The following TRIOBP variants were observed in gnomAD, a reference collection of about 807,000 sequenced individuals.
TRIOBP encodes TRIO and F-actin-binding protein.
TRIOBP carries 169 observed loss-of-function variants against 238.8 expected under a neutral mutation model. That is an observed-to-expected ratio of 0.71 (90% CI 0.62 to 0.80). TRIOBP has a LOEUF of 0.80. Among genes scored for constraint, TRIOBP ranks in the 30% least tolerant of loss-of-function variants. The pLI is 0.00. For missense variants in TRIOBP, 2,838 were observed against 3,122.6 expected, an observed-to-expected ratio of 0.91 and a Z score of 2.17; for synonymous variants, 1,150 against 1,274.4, an observed-to-expected ratio of 0.90 and a Z score of 2.08.
chr22:37,726,167 ACT>A lies in TRIOBP; in HGVS notation c.3616_3617del (p.Leu1206AlafsTer30), dbSNP rs772930429. The A allele has an allele frequency of 1.1e-5, 18 of 1,567,870 alleles. No homozygotes were observed. The highest frequency in any genetic ancestry group is 1.8e-5 in the Admixed American group (1 of 54,822). ...ATGGAGAGCCTGGCCCCCTCCACTG[ACT>A]CTCTGCATGGCTCCCCAGTGCTGAT... On this transcript the variant is annotated frameshift_variant, in exon 7 of 24. Coordinates refer to ENST00000644935, the MANE Select transcript of TRIOBP (RefSeq NM_001039141.3). LOFTEE classifies it high-confidence loss of function.
chr22:37,739,762 C>T (rs1207183439), intron 10 of TRIOBP, among the ~76,000 whole-genome samples: 1 of 152,200 alleles, frequency 6.6e-6, no homozygotes, highest in Non-Finnish European at 1.5e-5. Flanking sequence ...CCAGCCCTCC[C>T]AGGGACTCTG....
chr22:37,763,159 C>T (rs1005570585), intron 17 of TRIOBP, among the ~76,000 whole-genome samples: 1 of 152,218 alleles, frequency 6.6e-6, no homozygotes, highest in Non-Finnish European at 1.5e-5. Context: ...TGCCCACCCC[C>T]ACATTGCTGG....
In TRIOBP at chr22:37,734,808, C is replaced by T. The variant is rs1924587310; in HGVS notation, c.4472C>T (p.Pro1491Leu). Reference sequence around the variant, plus strand: ...GAGTACAAGGAGAGCTGGGGGCAGCCAGAGGCCTGGGAGGAGAAGCCCACT... The same window carrying T: ...GAGTACAAGGAGAGCTGGGGGCAGCTAGAGGCCTGGGAGGAGAAGCCCACT... ...SREYKESWGQ[P>L]EAWEEKPTHE... is the part of the protein sequence containing the mutation. Residue 1491 changes from proline (P) to leucine (L), a missense_variant, in exon 9 of 24, where the codon CCA becomes CTA. Coordinates refer to ENST00000644935, the MANE Select transcript of TRIOBP (RefSeq NM_001039141.3). 1 of 1,612,300 alleles carries T rather than the reference C, an allele frequency of 6.2e-7. No individual in the cohort carries two copies. The highest frequency in any genetic ancestry group is 1.7e-5 in the Admixed American group (1 of 59,988).
chr22:37,712,950 C>G (rs1476496691), intron 4 of TRIOBP, among the ~76,000 whole-genome samples: 2 of 143,138 alleles, frequency 1.4e-5, no homozygotes, highest in East Asian at 4.1e-4. Context: ...GAGCGAGACT[C>G]TGTCTCAAAA....
At position 37,723,904 on chromosome 22, in the gene TRIOBP, A is replaced by G; in HGVS notation, c.1348A>G (p.Asn450Asp). 1 of 1,572,826 alleles carries G rather than the reference A, an allele frequency of 6.4e-7. No homozygotes were observed. The highest frequency in any genetic ancestry group is 8.7e-7 in the Non-Finnish European group (1 of 1,154,966). Residue 450 changes from asparagine (N) to aspartate (D), a missense_variant, in exon 7 of 24, where the codon AAC (asparagine) becomes GAC (aspartate). Asn to Asp is a conservative substitution (Grantham distance 23, BLOSUM62 1). This residue lies in a region of TRIOBP where 26 missense variants were observed against 49.3 expected (regional missense o/e 0.53). Coordinates refer to ENST00000644935, the MANE Select transcript of TRIOBP (RefSeq NM_001039141.3). ...CTCTCCCAGTAGAGCTACACGAGAC[A>G]ACCCCACAACATCCTGTGCCCAGCG... ...ASSPSRATRDNPTTSCAQRDN... is the reference protein window; with the variant it reads ...ASSPSRATRDDPTTSCAQRDN...
rs1010972932 is a variant in TRIOBP at position 37,775,095 on chromosome 22, G to C, written c.*1315G>C. ...GCTGTGCTGATTATGGTTGCATGGG[G>C]CTGGGAAGAGGTCCCATTTCTGAGC... is the stretch of plus-strand genomic sequence containing the variant. On this transcript the variant is annotated 3_prime_UTR_variant, in exon 24 of 24. Transcript: ENST00000644935. The C allele has an allele frequency of 1.3e-5, 2 of 152,288 alleles. No individual in the cohort carries two copies. Among genetic ancestry groups the C allele is most frequent in the Admixed American group, 1.3e-4 (2 of 15,282 alleles). The allele number at this position is 152,288 out of a possible 1,614,324, so 9.4% of individuals were successfully genotyped here.
chr22:37,757,224 G>C (rs1318678593), intron 15 of TRIOBP, among the ~76,000 whole-genome samples: 1 of 152,160 alleles, frequency 6.6e-6, no homozygotes, highest in Non-Finnish European at 1.5e-5. Context: ...TTAGCTGGGC[G>C]TGGTGGTGCA....
rs376743335 is a variant in TRIOBP, at chr22:37,740,915, G to C, written c.5205G>C (p.Glu1735Asp). The C allele has an allele frequency of 6.4e-7, 1 of 1,574,148 alleles. No individual in the cohort carries two copies. The highest frequency in any genetic ancestry group is 8.6e-7 in the Non-Finnish European group (1 of 1,159,830). Residue 1735 changes from glutamate to aspartate, a missense_variant, in exon 11 of 24, where the codon GAG becomes GAC. Around this residue, in one of 5 missense-constraint regions of TRIOBP, gnomAD observed 2,096 missense variants for 2,137.4 expected, o/e 0.98. Transcript: ENST00000644935. Reference sequence around the variant, plus strand: ...GACAGGCAGACAAGAGGCCAGCAGAGGGCAAGGCTGGGAGCCCGCTCAAGG... The same window carrying C: ...GACAGGCAGACAAGAGGCCAGCAGACGGCAAGGCTGGGAGCCCGCTCAAGG... ...QADSADKRPA[E>D]GKAGSPLKGR...
At chr22:37,750,625 G>T (rs764410250) in intron 11 of TRIOBP, 6 of 470,992 alleles carry the variant, frequency 1.3e-5, no homozygotes, top group African/African-American at 1.2e-4. Context: ...CAGAGCCTGT[G>T]TCTCTCCCTT....
chr22:37,769,281 CAG>C lies in TRIOBP; in HGVS notation c.6758_6759del (p.Glu2253GlyfsTer83). The C allele has an allele frequency of 6.2e-7, 1 of 1,611,830 alleles. No individual in the cohort carries two copies. The highest frequency in any genetic ancestry group is 8.5e-7 in the Non-Finnish European group (1 of 1,179,404). On this transcript the variant is annotated frameshift_variant, in exon 21 of 24. Coordinates refer to ENST00000644935, the MANE Select transcript of TRIOBP (RefSeq NM_001039141.3). LOFTEE classifies it high-confidence loss of function. The stretch of plus-strand genomic sequence containing the variant: ...TCCCAGGAGCTGCATGGCCGCCTGT[CAG>C]AGGAGATAGACCAGCTGCGCGGCTT...
intron 12 of TRIOBP, among the ~76,000 whole-genome samples, 195 bp downstream of exon 12, chr22:37,752,023 C>A (rs937672062): frequency 6.6e-6 from 1 of 152,114 alleles, no homozygotes; most frequent in African/African-American, 2.4e-5. Flanking sequence ...AGCAAGGGGC[C>A]GTCTAGCCCC....
rs765816134 is a variant in TRIOBP at position 37,726,454 on chromosome 22, C to T, written c.3898C>T (p.His1300Tyr). ...QAQCSSGGRT[H>Y]SPGRAEVERL... ...GCAGTGCAGCAGCGGGGGCCGCACC[C>T]ACAGCCCTGGCCGTGCAGAGGTGGA... is the stretch of plus-strand genomic sequence containing the variant. The change falls in exon 7 of 24, where the codon CAC becomes TAC. Residue 1300 changes from histidine (H) to tyrosine (Y), a missense_variant. Transcript: ENST00000644935. 5.7e-6 allele frequency: 9 copies of T among 1,569,732 alleles called. No individual in the cohort carries two copies. Among genetic ancestry groups the T allele is most frequent in the Non-Finnish European group, 6.9e-6 (8 of 1,162,006 alleles).
In TRIOBP at chr22:37,712,957, A is replaced by AAAAT. The variant is rs368169188; in HGVS notation, c.255-214_255-211dup. ...GGGTGACAGAGCGAGACTCTGTCTC[A>AAAAT]AAATAAATAAATAAATAAATAAATA... On this transcript the variant is annotated intron_variant, in intron 4 of 23. Coordinates refer to ENST00000644935, the MANE Select transcript of TRIOBP (RefSeq NM_001039141.3). Among the ~76,000 whole-genome samples the AAAAT allele has an allele frequency of 0.041, 5,690 of 138,318 alleles. 174 individuals are homozygous for AAAAT. The highest frequency in any genetic ancestry group is 0.074 in the African/African-American group (2,665 of 35,828). The allele number at this position is 138,318 out of a possible 152,430, so 90.7% of individuals were successfully genotyped here.
intron 14 of TRIOBP, 107 bp from the exon 15 acceptor site, chr22:37,755,443 C>A (rs946591873): frequency 9.3e-7 from 1 of 1,078,980 alleles, no homozygotes; most frequent in African/African-American, 1.6e-5. Context: ...AGACTCAAGA[C>A]CTTAGATGCA....
rs779547704 is a variant in TRIOBP at position 37,725,662 on chromosome 22, G to T, written c.3106G>T (p.Asp1036Tyr). The change falls in exon 7 of 24, where the codon GAC becomes TAC. Residue 1036 changes from aspartate (D) to tyrosine (Y), a missense_variant. Coordinates refer to ENST00000644935, the MANE Select transcript of TRIOBP (RefSeq NM_001039141.3). ...TTCGCCCCCTCGCTATTTGCAGCAC[G>T]ACCCCTTCCCCTTCTTCCCAGAGCC... Reference protein sequence around the residue: ...ASSPPRYLQHDPFPFFPEPRA... With the variant: ...ASSPPRYLQHYPFPFFPEPRA... 5 of 1,609,232 alleles carry T rather than the reference G, an allele frequency of 3.1e-6. No homozygotes were observed. Among genetic ancestry groups the T allele is most frequent in the Non-Finnish European group, 2.5e-6 (3 of 1,178,468 alleles).
Position 37,771,941 on chromosome 22 carries a change from G to A in TRIOBP, c.6936+205G>A, listed in dbSNP as rs557734004. The A allele has an allele frequency of 1.1e-4, 75 of 684,858 alleles. 1 individual carries two copies. Among genetic ancestry groups the A allele is most frequent in the Non-Finnish European group, 1.9e-4 (71 of 374,886 alleles). 42.4% of individuals were successfully genotyped at this position (684,858 alleles called of 1,614,324 possible). Reference sequence around the variant, plus strand: ...AAGGGGAAGTGACTTCCCCAAGGCTGTACTTGGCTTCTGTTTATTTAGCAT... The same window carrying A: ...AAGGGGAAGTGACTTCCCCAAGGCTATACTTGGCTTCTGTTTATTTAGCAT... On this transcript the variant is annotated intron_variant, in intron 22 of 23. Coordinates refer to ENST00000644935, the MANE Select transcript of TRIOBP (RefSeq NM_001039141.3).
rs777715097 is a variant in TRIOBP, at chr22:37,724,679, C to T, written c.2123C>T (p.Ala708Val). 9.3e-6 allele frequency: 15 copies of T among 1,610,276 alleles called. No homozygotes were observed. In the East Asian group the frequency reaches 2.9e-4, roughly 31 times the overall value. Reference protein sequence around the residue: ...TSCAQRDDPRASSPNRTTQQE... With the variant: ...TSCAQRDDPRVSSPNRTTQQE... ...TGTGCCCAACGGGACGATCCCAGAG[C>T]CTCCTCTCCTAACAGAACCACCCAA... Residue 708 changes from alanine to valine, a missense_variant, in exon 7 of 24, where the codon GCC becomes GTC. This residue lies in a region of TRIOBP where 167 missense variants were observed against 200.2 expected (regional missense o/e 0.83). Transcript: ENST00000644935.
chr22:37,731,829 A>G (rs756508401), intron 7 of TRIOBP, among the ~76,000 whole-genome samples: 6 of 152,182 alleles, frequency 3.9e-5, no homozygotes, highest in Non-Finnish European at 8.8e-5. Flanking sequence ...AGCTCAAGCC[A>G]TCCGCCTGCC....
intron 17 of TRIOBP, among the ~76,000 whole-genome samples, chr22:37,760,929 G>A (rs1173329780): frequency 3.3e-5 from 5 of 150,220 alleles, no homozygotes; most frequent in Non-Finnish European, 5.9e-5. Flanking sequence ...CCGAGATTGC[G>A]CCACGGCACT....
Sources: gnomAD v4.1 joint callset for allele counts (sites outside exome capture counted in the v4.1 genomes callset) on GRCh38, gnomAD v4.1.1 for gene constraint, gnomAD v4.1.1 regional missense constraint, MANE v1.5 for transcripts, NCBI Gene and HGNC (gene_info 2026-07-23, HGNC 2026-07-21) for gene names.